Variants in AARS1 observed in about 807,000 individuals in gnomAD.
AARS1 encodes alanyl-tRNA synthetase 1, also known as alanine--tRNA ligase, cytoplasmic.
AARS1 carries 72 observed loss-of-function variants against 108.9 expected under a neutral mutation model. The ratio of observed to expected loss-of-function variants is 0.66; its 90% CI spans 0.55 to 0.80. The LOEUF is 0.80. Ranked by LOEUF, AARS1 falls within the 30% of genes least tolerant of loss-of-function variation. AARS1 has a pLI of 0.00. For synonymous variants in AARS1, 489 were observed against 465.7 expected, an observed-to-expected ratio of 1.05 and a Z score of -0.64; for missense variants, 1,193 against 1,233.2, an observed-to-expected ratio of 0.97 and a Z score of 0.49.
chr16:70,275,965 T>G, intron 4 of AARS1: 1 of 95,946 alleles, frequency 1.0e-5, no homozygotes, highest in African/African-American at 4.6e-5. Context: ...AAAAAAACCA[T>G]ATGAATGCGG....
chr16:70,266,182 C>G (rs974585743), intron 9 of AARS1, among the ~76,000 whole-genome samples: 1 of 152,152 alleles, frequency 6.6e-6, no homozygotes, highest in Non-Finnish European at 1.5e-5. Context: ...GGCATGGTGG[C>G]GGGCGCCTGT....
Position 70,255,784 on chromosome 16 carries a change from C to A in AARS1, c.2230G>T (p.Ala744Ser). 6.2e-7 allele frequency: 1 copy of A among 1,614,230 alleles called. No individual in the cohort carries two copies. The highest frequency in any genetic ancestry group is 8.5e-7 in the Non-Finnish European group (1 of 1,180,034). ...ATCCTCCGGATACCCTTGGCAATGG[C>A]TTCTTCCGTCACGATCACAAAAGCT... ...AGAFVIVTEE[A>S]IAKGIRRIVA... The change falls in exon 16 of 21, where the codon GCC (alanine) becomes TCC (serine). Residue 744 changes from alanine to serine, a missense_variant. By Grantham distance (99) the Ala-to-Ser change is moderately conservative. Coordinates refer to ENST00000261772, the MANE Select transcript of AARS1 (RefSeq NM_001605.3).
chr16:70,276,688 T>C, intron 3 of AARS1, 57 bp from the exon 4 acceptor site: 1 of 1,572,410 alleles, frequency 6.4e-7, no homozygotes. Flanking sequence ...ATCTATTTAG[T>C]ATGAGACCAG....
chr16:70,265,628 C>G lies in AARS1; in HGVS notation c.1257G>C (p.Gly419=). 6.2e-7 allele frequency: 1 copy of G among 1,613,942 alleles called. No individual in the cohort carries two copies. Among genetic ancestry groups the G allele is most frequent in the African/African-American group, 1.3e-5 (1 of 75,026 alleles). Residue 419 remains glycine (G), a synonymous_variant, in exon 10 of 21, where the codon GGG becomes GGC. Transcript: ENST00000261772. ...TCAGTCCAGTCAGATCCACTGGAAA[C>G]CCATAGGTGTCATAGAGGAGCCAAG... The part of the protein sequence containing the change: ...DTAWLLYDTY[G]FPVDLTGLIA...
chr16:70,262,799 T>C (rs1960166290), intron 11 of AARS1, among the ~76,000 whole-genome samples: 2 of 151,076 alleles, frequency 1.3e-5, no homozygotes, highest in Non-Finnish European at 2.9e-5. Flanking sequence ...AAACCCTGTC[T>C]CTACCAAAAA....
chr16:70,277,398 A>G (rs2152167223), intron 2 of AARS1, among the ~76,000 whole-genome samples: 1 of 152,316 alleles, frequency 6.6e-6, no homozygotes, highest in African/African-American at 2.4e-5. Context: ...CACCACCTGC[A>G]GAGGGGAAAG....
intron 1 of AARS1, among the ~76,000 whole-genome samples, chr16:70,284,325 G>C (rs1420544479): frequency 6.8e-6 from 1 of 146,822 alleles, no homozygotes; most frequent in Non-Finnish European, 1.5e-5. Context: ...AAAAATGGCC[G>C]GGCGCGGTGG....
intron 3 of AARS1, 33 bp from the exon 4 acceptor site, chr16:70,276,664 A>G (rs1177832081): frequency 2.5e-6 from 4 of 1,612,010 alleles, no homozygotes; most frequent in African/African-American, 2.7e-5. Flanking sequence ...GATATGGAAC[A>G]TTGCCAAACC....
intron 2 of AARS1, among the ~76,000 whole-genome samples, chr16:70,279,859 TG>T (rs1275816026): frequency 6.6e-6 from 1 of 151,978 alleles, no homozygotes; most frequent in Non-Finnish European, 1.5e-5. Context: ...TCTAGGTATA[TG>T]CATAGGACTC....
intron 19 of AARS1, 59 bp from the exon 20 acceptor site, chr16:70,253,440 G>A: frequency 7.2e-7 from 1 of 1,394,716 alleles, no homozygotes. Flanking sequence ...ACTAGTGTGA[G>A]CATTTGCAGC....
In AARS1 at chr16:70,268,869, C is replaced by T. The variant is rs201701041; in HGVS notation, c.963-490G>A. Among the ~76,000 whole-genome samples the T allele has an allele frequency of 2.0e-5, 3 of 152,196 alleles. No individual in the cohort carries two copies. In the East Asian group the frequency reaches 5.8e-4, roughly 29 times the overall value. On this transcript the variant is annotated intron_variant, in intron 7 of 20. Coordinates refer to ENST00000261772, the MANE Select transcript of AARS1 (RefSeq NM_001605.3). ...CTTAAAAAAGGGGTGGGGGATTCTTCCACCTGCCCAAGACAAGGAAACAAT... is the reference window on the plus strand; with the variant it reads ...CTTAAAAAAGGGGTGGGGGATTCTTTCACCTGCCCAAGACAAGGAAACAAT...
At position 70,264,989 on chromosome 16, in the gene AARS1, G is replaced by A. The variant is rs1410121757; in HGVS notation, c.1461C>T (p.Tyr487=). 6.2e-7 allele frequency: 1 copy of A among 1,614,154 alleles called. No individual in the cohort carries two copies. Among genetic ancestry groups the A allele is most frequent in the Admixed American group, 1.7e-5 (1 of 60,002 alleles). The change falls in exon 11 of 21, where the codon TAC becomes TAT. Residue 487 remains tyrosine, a synonymous_variant. Transcript: ENST00000261772. ...GLEVTDDSPK[Y]NYHLDSSGSY... Reference sequence around the variant, plus strand: ...TACCACTGGAGTCCAAATGGTAATTGTACTTTGGGGAATCATCTGTGACCT... The same window carrying A: ...TACCACTGGAGTCCAAATGGTAATTATACTTTGGGGAATCATCTGTGACCT...
chr16:70,272,831 G>T (rs986011977), intron 4 of AARS1, among the ~76,000 whole-genome samples: 9 of 150,888 alleles, frequency 6.0e-5, no homozygotes, highest in Admixed American at 1.3e-4. Context: ...GATCACTTGA[G>T]CCCAGGAAGT....
intron 15 of AARS1, among the ~76,000 whole-genome samples, chr16:70,256,893 T>A (rs536165386): frequency 1.1e-4 from 16 of 151,834 alleles, no homozygotes; most frequent in South Asian, 8.4e-4. Context: ...GGCGGGTGGG[T>A]CACCTGAGAT....
At chr16:70,288,267 A>T (rs747809357) in intron 1 of AARS1, among the ~76,000 whole-genome samples, 4 of 150,640 alleles carry the variant, frequency 2.7e-5, no homozygotes, top group Non-Finnish European at 5.9e-5. Context: ...GCCAGTCACC[A>T]CGCCCGGCTA....
chr16:70,256,890 G>T (rs965669414), intron 15 of AARS1, among the ~76,000 whole-genome samples: 4 of 151,954 alleles, frequency 2.6e-5, no homozygotes, highest in African/African-American at 9.7e-5. Context: ...TGAGGCGGGT[G>T]GGTCACCTGA....
intron 1 of AARS1, among the ~76,000 whole-genome samples, chr16:70,283,901 A>C (rs74024188): frequency 0.093 from 14,217 of 152,168 alleles, 2,181 homozygotes; most frequent in African/African-American, 0.32. Flanking sequence ...GAGAGAGAAA[A>C]AACTTTATGA....
rs1337985053 is a variant in AARS1 at position 70,277,123 on chromosome 16, G to T, written c.176C>A (p.Pro59Gln). 3.1e-6 allele frequency: 5 copies of T among 1,614,146 alleles called. No individual in the cohort carries two copies. The highest frequency in any genetic ancestry group is 4.2e-6 in the Non-Finnish European group (5 of 1,180,030). ...GCTCAGCTTTGCCATGGGGTGAGAT[G>T]GGTCAATTGTGTTCAGGAAAATGGG... ...FKPIFLNTID[P>Q]SHPMAKLSRA... is the part of the protein sequence containing the mutation. Residue 59 changes from proline to glutamine, a missense_variant, in exon 3 of 21, where the codon CCA becomes CAA. Physicochemically the swap from Pro to Gln is moderately conservative, Grantham distance 76. Transcript: ENST00000261772.
At chr16:70,255,348 C>T (rs11862188) in intron 16 of AARS1, among the ~76,000 whole-genome samples, 10,251 of 151,770 alleles carry the variant, frequency 0.068, 1,156 homozygotes, top group African/African-American at 0.23. Context: ...TACAGACGCG[C>T]GCCACTACAC....
Sources: gnomAD v4.1 joint callset for allele counts (sites outside exome capture counted in the v4.1 genomes callset) on GRCh38, gnomAD v4.1.1 for gene constraint, MANE v1.5 for transcripts, NCBI Gene and HGNC (gene_info 2026-07-23, HGNC 2026-07-21) for gene names.